TRPM3: variants seen among roughly 807,000 people sequenced by gnomAD.
The protein encoded by TRPM3 is long transient receptor potential channel 3.
Under a neutral mutation model 181.2 loss-of-function variants are expected in TRPM3, and 77 were observed. The ratio of observed to expected loss-of-function variants is 0.42; its 90% confidence interval spans 0.35 to 0.51. The LOEUF is 0.51. TRPM3 is among the 20% of genes least tolerant of loss of function. The pLI, the probability that TRPM3 is intolerant of heterozygous loss-of-function variation, is 0.01. For missense variants in TRPM3, 1,759 were observed against 2,196.7 expected, an observed-to-expected ratio of 0.80 and a Z score of 3.98; for synonymous variants, 745 against 796.4, an observed-to-expected ratio of 0.94 and a Z score of 1.09.
intron 1 of TRPM3, among the ~76,000 whole-genome samples, chr9:71,215,104 G>A (rs1250354722): frequency 6.7e-6 from 1 of 148,642 alleles, no homozygotes; most frequent in Non-Finnish European, 1.5e-5. Context: ...CAGGGAAAAT[G>A]TTCTACTAGT....
intron 6 of TRPM3, chr9:70,825,149 T>C (rs916946919): frequency 4.6e-5 from 7 of 152,206 alleles, no homozygotes; most frequent in Admixed American, 4.6e-4. Flanking sequence ...TTTGGGACTT[T>C]CACGGCTAAA....
rs138166844 is a variant in TRPM3 at position 71,216,128 on chromosome 9, T to C, written c.183+230525A>G. Among the ~76,000 whole-genome samples the C allele has an allele frequency of 6.3e-3, 961 of 152,348 alleles. 17 individuals carry two copies. The highest frequency in any genetic ancestry group is 0.022 in the African/African-American group (910 of 41,574). On this transcript the variant is annotated intron_variant, in intron 1 of 24. Transcript: ENST00000357533. Reference sequence around the variant, plus strand: ...TGAAGTTGCTGACAGAATTTTGCTCTCAACTAAGGGATCTATAAAAATTCT... The same window carrying C: ...TGAAGTTGCTGACAGAATTTTGCTCCCAACTAAGGGATCTATAAAAATTCT...
At chr9:71,026,251 G>A (rs895748709) in intron 1 of TRPM3, among the ~76,000 whole-genome samples, 1 of 152,164 alleles carries the variant, frequency 6.6e-6, no homozygotes, top group Non-Finnish European at 1.5e-5. Context: ...TTGCGCATCA[G>A]ATGGGGCAGG....
At position 70,858,805 on chromosome 9, in the gene TRPM3, T is replaced by G. The variant is rs569673369; in HGVS notation, c.462+4103A>C. 1.2e-4 allele frequency among the ~76,000 whole-genome samples: 18 copies of G among 152,062 alleles called. No homozygotes were observed. The South Asian group carries it at 3.5e-3, about 30-fold the overall frequency. On this transcript the variant is annotated intron_variant, in intron 3 of 25. Coordinates refer to ENST00000677713, the MANE Select transcript of TRPM3 (RefSeq NM_001366145.2). ...TTGCTGTGCACTTGCTATCTTAAAA[T>G]TCTTAATAATTTTATCCTTGAATTT... is the stretch of plus-strand genomic sequence containing the variant.
At chr9:71,444,177 C>CAAAAAAAAAAAAAA (rs34011806) in intron 1 of TRPM3, among the ~76,000 whole-genome samples, 1 of 112,940 alleles carries the variant, frequency 8.9e-6, no homozygotes. Flanking sequence ...GAATACATCT[C>CAAAAAAAAAAAAAA]AAAAAAAAAA....
At chr9:71,227,835 C>A (rs1406728559) in intron 1 of TRPM3, among the ~76,000 whole-genome samples, 1 of 152,052 alleles carries the variant, frequency 6.6e-6, no homozygotes, top group Non-Finnish European at 1.5e-5. Flanking sequence ...AAGACCAAGG[C>A]CATAATAAAA....
chr9:70,760,927 T>C (rs2087112589), intron 8 of TRPM3: 1 of 152,758 alleles, frequency 6.5e-6, no homozygotes, highest in Admixed American at 6.5e-5. Context: ...TAATTGTACC[T>C]CTCTCATCAG....
chr9:70,953,829 C>T (rs2097032448), intron 1 of TRPM3, among the ~76,000 whole-genome samples: 1 of 152,176 alleles, frequency 6.6e-6, no homozygotes, highest in Non-Finnish European at 1.5e-5. Flanking sequence ...GCTGCCCTAA[C>T]CTTGTACCTC....
intron 1 of TRPM3, among the ~76,000 whole-genome samples, chr9:71,425,198 C>T (rs2093842559): frequency 6.6e-6 from 1 of 152,074 alleles, no homozygotes; most frequent in East Asian, 1.9e-4. Context: ...TACTATCATC[C>T]TAATTAACAT....
At chr9:71,096,252 A>G (rs2067174298) in intron 1 of TRPM3, among the ~76,000 whole-genome samples, 1 of 150,020 alleles carries the variant, frequency 6.7e-6, no homozygotes, top group Non-Finnish European at 1.5e-5. Context: ...ATAGACTGTG[A>G]GTCCCTCTTA....
At chr9:71,032,007 A>ATG (rs1565022249) in intron 1 of TRPM3, among the ~76,000 whole-genome samples, 2 of 1,668 alleles carry the variant, frequency 1.2e-3, no homozygotes, top group Non-Finnish European at 9.3e-4. Flanking sequence ...ATAATTATAT[A>ATG]ATATATAATA....
At chr9:70,552,165 C>G (rs564682710) in intron 24 of TRPM3, among the ~76,000 whole-genome samples, 1 of 152,090 alleles carries the variant, frequency 6.6e-6, no homozygotes, top group Non-Finnish European at 1.5e-5. Flanking sequence ...CTTAATGGAG[C>G]GTGGTACCCA....
At chr9:71,329,168 G>A (rs2089938044) in intron 1 of TRPM3, among the ~76,000 whole-genome samples, 1 of 152,202 alleles carries the variant, frequency 6.6e-6, no homozygotes, top group African/African-American at 2.4e-5. Context: ...ACACATAACA[G>A]TAACAGTAGC....
At chr9:70,820,673 A>G (rs1447005692) in intron 6 of TRPM3, among the ~76,000 whole-genome samples, 1 of 152,108 alleles carries the variant, frequency 6.6e-6, no homozygotes, top group African/African-American at 2.4e-5. Flanking sequence ...AAAGGAATCA[A>G]TGTTTTTGAA....
chr9:70,894,907 T>TA lies in TRPM3; in HGVS notation c.178-30397_178-30396insT, dbSNP rs1335330640. Among the ~76,000 whole-genome samples, 21 of 152,260 alleles carry TA rather than the reference T, an allele frequency of 1.4e-4. 1 individual carries two copies. In the East Asian group the frequency reaches 3.9e-3, roughly 28 times the overall value. ...TGCTGAAGCCCTACTGCTAAGATTG[T>TA]GAATAGAAAATGGGAAAAAAGTTTT... On this transcript the variant is annotated intron_variant, in intron 1 of 25. Transcript: ENST00000677713.
In TRPM3 at chr9:71,195,466, G is replaced by C. The variant is rs541489058; in HGVS notation, c.183+251187C>G. Among the ~76,000 whole-genome samples, 277 of 152,112 alleles carry C rather than the reference G, an allele frequency of 1.8e-3. 1 individual carries two copies. The highest frequency in any genetic ancestry group is 4.9e-3 in the African/African-American group (204 of 41,510). ...ATTAAAATGTCAAAAAATAACAGGT[G>C]CCAGTGAGGTTAAGGAAAGGAAACA... On this transcript the variant is annotated intron_variant, in intron 1 of 24. Transcript: ENST00000357533.
At chr9:71,063,618 A>C (rs1297673045) in intron 1 of TRPM3, among the ~76,000 whole-genome samples, 1 of 152,060 alleles carries the variant, frequency 6.6e-6, no homozygotes, top group Non-Finnish European at 1.5e-5. Flanking sequence ...TAGCTAATGG[A>C]GTTAATAATG....
chr9:70,930,869 T>C (rs191852424), intron 1 of TRPM3, among the ~76,000 whole-genome samples: 49 of 151,976 alleles, frequency 3.2e-4, no homozygotes, highest in Admixed American at 1.1e-3. Context: ...CAAATGAAAG[T>C]GGCTGAGAAA....
intron 5 of TRPM3, among the ~76,000 whole-genome samples, chr9:70,839,758 A>T (rs2094528928): frequency 6.6e-6 from 1 of 152,154 alleles, no homozygotes; most frequent in Non-Finnish European, 1.5e-5. Context: ...CCAAAGATGC[A>T]GCTATTCTAT....
Sources: gnomAD v4.1 joint callset for allele counts (sites outside exome capture counted in the v4.1 genomes callset) on GRCh38, gnomAD v4.1.1 for gene constraint, MANE v1.5 for transcripts, NCBI Gene and HGNC (gene_info 2026-07-23, HGNC 2026-07-21) for gene names.